The following MGAT4C variants were observed in gnomAD, a reference collection of about 807,000 sequenced individuals.
MGAT4C encodes MGAT4 family member C, also known as alpha-1,3-mannosyl-glycoprotein 4-beta-N-acetylglucosaminyltransferase C.
MGAT4C carries 19 observed loss-of-function variants against 40.1 expected under a neutral mutation model. The ratio of observed to expected loss-of-function variants is 0.47; its 90% CI spans 0.33 to 0.70. The LOEUF (loss-of-function observed/expected upper bound fraction) is 0.70, where lower values mean the gene tolerates loss of function less well. Ranked by LOEUF, MGAT4C falls within the 30% of genes least tolerant of loss-of-function variation. MGAT4C has a pLI of 0.02. For synonymous variants in MGAT4C, 181 were observed against 187.1 expected (o/e 0.97, Z 0.27); for missense variants, 491 against 563.2 (o/e 0.87, Z 1.30).
At chr12:86,419,466 A>T (rs1391106700) in intron 3 of MGAT4C, among the ~76,000 whole-genome samples, 1 of 151,680 alleles carries the variant, frequency 6.6e-6, no homozygotes, top group Non-Finnish European at 1.5e-5. Flanking sequence ...AAATTTGAAA[A>T]TTATACAAAT....
intron 2 of MGAT4C, among the ~76,000 whole-genome samples, chr12:86,533,155 ACATTTT>A (rs1395517180): frequency 6.6e-6 from 1 of 152,038 alleles, no homozygotes; most frequent in Non-Finnish European, 1.5e-5. Flanking sequence ...CGATACAGCA[ACATTTT>A]TTATAGTAGA....
intron 1 of MGAT4C, among the ~76,000 whole-genome samples, chr12:86,118,553 GA>G (rs1189325675): frequency 2.0e-5 from 3 of 152,150 alleles, no homozygotes; most frequent in Non-Finnish European, 2.9e-5. Context: ...AGAGACATAT[GA>G]GAGAGAGGAT....
chr12:86,238,247 A>G (rs897607216), intron 1 of MGAT4C, among the ~76,000 whole-genome samples: 8 of 152,146 alleles, frequency 5.3e-5, no homozygotes, highest in African/African-American at 1.9e-4. Flanking sequence ...AAGTAATACA[A>G]AAGACTGAAC....
At chr12:86,311,152 G>A (rs1022875487) in intron 4 of MGAT4C, among the ~76,000 whole-genome samples, 12 of 152,106 alleles carry the variant, frequency 7.9e-5, no homozygotes, top group Admixed American at 1.3e-4. Context: ...AGGTGGCTTC[G>A]TCACGGTGCA....
At position 85,962,445 on chromosome 12, in the gene MGAT4C, T is replaced by A. The variant is rs1368814753; in HGVS notation, c.*16844A>T. 1.4e-5 allele frequency: 2 copies of A among 148,120 alleles called. No individual in the cohort carries two copies. The highest frequency in any genetic ancestry group is 1.4e-4 in the Admixed American group (2 of 14,744). The allele number at this position is 148,120 out of a possible 1,614,324, so 9.2% of individuals were successfully genotyped here. ...AATTATATAAAATTTTATAATTAAT[T>A]ATAAAATAAAATATTAACAATAATT... On this transcript the variant is annotated 3_prime_UTR_variant, in exon 5 of 5. Coordinates refer to ENST00000611864, the MANE Select transcript of MGAT4C (RefSeq NM_001351288.2).
intron 1 of MGAT4C, among the ~76,000 whole-genome samples, chr12:86,127,383 T>C (rs936344547): frequency 2.6e-5 from 4 of 152,192 alleles, no homozygotes; most frequent in African/African-American, 7.2e-5. Context: ...TTATCATAAA[T>C]TAACTTAGTA....
intron 2 of MGAT4C, among the ~76,000 whole-genome samples, chr12:86,686,646 T>A (rs1393234061): frequency 1.3e-5 from 2 of 152,212 alleles, no homozygotes; most frequent in Admixed American, 6.5e-5. Context: ...TTTATTGATT[T>A]TCATATGTTG....
At chr12:86,201,900 T>C (rs767351589) in intron 1 of MGAT4C, among the ~76,000 whole-genome samples, 4 of 152,122 alleles carry the variant, frequency 2.6e-5, no homozygotes, top group Non-Finnish European at 5.9e-5. Flanking sequence ...GATTTTATTG[T>C]TTTTATGCCA....
chr12:86,836,826 A>G (rs1232624165), intron 1 of MGAT4C, among the ~76,000 whole-genome samples: 2 of 152,098 alleles, frequency 1.3e-5, no homozygotes, highest in African/African-American at 4.8e-5. Context: ...TTCATTATCC[A>G]TTGGTATCAT....
chr12:86,491,115 T>C lies in MGAT4C; in HGVS notation c.-228-55850A>G, dbSNP rs564913817. Among the ~76,000 whole-genome samples the C allele has an allele frequency of 5.3e-5, 8 of 152,282 alleles. No individual in the cohort carries two copies. The East Asian group carries it at 1.5e-3, about 29-fold the overall frequency. On this transcript the variant is annotated intron_variant, in intron 2 of 7. Transcript: ENST00000548651. ...ACCAGGAAGAAGTTGAATCTCTGAATAGACCAATAACAGGCTCTGAAATTG... is the reference window on the plus strand; with the variant it reads ...ACCAGGAAGAAGTTGAATCTCTGAACAGACCAATAACAGGCTCTGAAATTG...
At chr12:86,806,847 G>T (rs11104099) in intron 1 of MGAT4C, among the ~76,000 whole-genome samples, 9 of 151,386 alleles carry the variant, frequency 5.9e-5, no homozygotes, top group Non-Finnish European at 1.0e-4. Context: ...CACACACTGG[G>T]GCCTGTTGTG....
intron 1 of MGAT4C, among the ~76,000 whole-genome samples, chr12:86,252,590 A>T (rs539759726): frequency 2.6e-5 from 4 of 152,130 alleles, no homozygotes; most frequent in Non-Finnish European, 5.9e-5. Flanking sequence ...CCTAGGAACT[A>T]GCATTAGTAG....
At chr12:86,072,373 A>T (rs1308007752) in intron 1 of MGAT4C, among the ~76,000 whole-genome samples, 1 of 152,088 alleles carries the variant, frequency 6.6e-6, no homozygotes, top group East Asian at 1.9e-4. Flanking sequence ...TTCCAGGTCA[A>T]ACCATGCTTT....
chr12:86,085,555 A>G lies in MGAT4C; in HGVS notation c.-56-35832T>C, dbSNP rs1014465186. On this transcript the variant is annotated intron_variant, in intron 1 of 4. Coordinates refer to ENST00000611864, the MANE Select transcript of MGAT4C (RefSeq NM_001351288.2). Reference sequence around the variant, plus strand: ...TCTGAGGCCTCTTTTCTGTTCCTATATATCTGTTTTGGTACCAGTACCATG... The same window carrying G: ...TCTGAGGCCTCTTTTCTGTTCCTATGTATCTGTTTTGGTACCAGTACCATG... 2.0e-5 allele frequency among the ~76,000 whole-genome samples: 3 copies of G among 151,994 alleles called. No individual in the cohort carries two copies. In the South Asian group the frequency reaches 6.2e-4, roughly 31 times the overall value.
chr12:86,816,533 AG>A (rs1435727624), intron 1 of MGAT4C, among the ~76,000 whole-genome samples: 2 of 151,758 alleles, frequency 1.3e-5, no homozygotes, highest in Non-Finnish European at 2.9e-5. Flanking sequence ...TTTAATATGA[AG>A]GTTACGTACC....
At chr12:86,623,756 T>C (rs1962713469) in intron 2 of MGAT4C, among the ~76,000 whole-genome samples, 1 of 152,166 alleles carries the variant, frequency 6.6e-6, no homozygotes, top group African/African-American at 2.4e-5. Flanking sequence ...TTAACACCAG[T>C]CTGAGAACAA....
At chr12:86,487,399 T>C (rs1007763210) in intron 2 of MGAT4C, among the ~76,000 whole-genome samples, 5 of 152,216 alleles carry the variant, frequency 3.3e-5, no homozygotes, top group African/African-American at 1.2e-4. Context: ...GACTTAATTA[T>C]CTGCATTGCT....
chr12:86,309,966 GGAAA>G (rs1954028753), intron 4 of MGAT4C, among the ~76,000 whole-genome samples: 1 of 151,680 alleles, frequency 6.6e-6, no homozygotes, highest in Admixed American at 6.6e-5. Context: ...AGGAGAAGGA[GGAAA>G]GAAAGATACG....
intron 1 of MGAT4C, among the ~76,000 whole-genome samples, chr12:86,139,647 C>T (rs140354866): frequency 6.6e-6 from 1 of 151,454 alleles, no homozygotes. Context: ...AATTAATTTA[C>T]AATTATAAAA....
Sources: allele counts gnomAD v4.1 joint callset (sites outside exome capture counted in the v4.1 genomes callset), GRCh38; gene constraint gnomAD v4.1.1; transcripts MANE v1.5; gene names NCBI Gene and HGNC (gene_info 2026-07-23, HGNC 2026-07-21).